MTA3: variants seen among roughly 807,000 people sequenced by gnomAD.
MTA3 encodes the protein metastasis-associated protein MTA3.
Under a neutral mutation model 83.5 loss-of-function variants are expected in MTA3, and 34 were observed. The ratio of observed to expected loss-of-function variants is 0.41; its 90% CI spans 0.31 to 0.54. MTA3 has a LOEUF of 0.54. MTA3 is among the 20% of genes least tolerant of loss of function. MTA3 has a pLI of 0.33. For missense variants in MTA3, 761 were observed against 726.4 expected, an observed-to-expected ratio of 1.05 and a Z score of -0.55; for synonymous variants, 303 against 252.7, an observed-to-expected ratio of 1.20 and a Z score of -1.89.
intron 4 of MTA3, among the ~76,000 whole-genome samples, chr2:42,638,336 A>G (rs957659257): frequency 2.0e-5 from 3 of 151,912 alleles, no homozygotes; most frequent in Non-Finnish European, 2.9e-5. Flanking sequence ...CAGCAGAGCA[A>G]TTTCCCTAGT....
At chr2:42,742,736 A>G (rs963554426) in intron 16 of MTA3, among the ~76,000 whole-genome samples, 1 of 152,222 alleles carries the variant, frequency 6.6e-6, no homozygotes, top group Non-Finnish European at 1.5e-5. Context: ...AATAGCTTCT[A>G]TTAAAGTTTT....
intron 6 of MTA3, among the ~76,000 whole-genome samples, chr2:42,648,127 C>G (rs1573465811): frequency 1.3e-5 from 2 of 152,354 alleles, no homozygotes; most frequent in African/African-American, 2.4e-5. Flanking sequence ...AGGCATGAGC[C>G]TCTGCACCCA....
At chr2:42,677,254 C>G (rs540792827) in intron 8 of MTA3, among the ~76,000 whole-genome samples, 1 of 152,076 alleles carries the variant, frequency 6.6e-6, no homozygotes, top group African/African-American at 2.4e-5. Context: ...GAGGGACCAC[C>G]GGGGGAGATA....
At chr2:42,684,293 A>C (rs1030185472) in intron 9 of MTA3, among the ~76,000 whole-genome samples, 2 of 152,236 alleles carry the variant, frequency 1.3e-5, no homozygotes, top group African/African-American at 4.8e-5. Context: ...ATTTGATGTG[A>C]GCCAATAGCC....
At chr2:42,710,201 A>C (rs1666480409) in intron 14 of MTA3, among the ~76,000 whole-genome samples, 1 of 152,236 alleles carries the variant, frequency 6.6e-6, no homozygotes, top group Admixed American at 6.5e-5. Context: ...TTTTAGCAGA[A>C]TAGTTGAAAG....
At chr2:42,507,607 A>T (rs1572894947) in intron 2 of MTA3, among the ~76,000 whole-genome samples, 7 of 151,718 alleles carry the variant, frequency 4.6e-5, no homozygotes, top group Admixed American at 4.6e-4. Flanking sequence ...TAACTGTGTG[A>T]AAAGATTATG....
intron 4 of MTA3, among the ~76,000 whole-genome samples, chr2:42,620,219 A>G (rs914151473): frequency 2.4e-4 from 37 of 151,482 alleles, no homozygotes; most frequent in Non-Finnish European, 4.6e-4. Context: ...CCCACGTTCA[A>G]GTGATTCTCC....
chr2:42,756,093 C>T lies in MTA3; in HGVS notation c.*2694C>T, dbSNP rs570387082. 2.2e-6 allele frequency: 2 copies of T among 916,840 alleles called. No homozygotes were observed. The highest frequency in any genetic ancestry group is 2.6e-6 in the Non-Finnish European group (2 of 767,430). The allele number at this position is 916,840 out of a possible 1,614,324, so 56.8% of individuals were successfully genotyped here. A position where few individuals can be genotyped will look rare whatever the true frequency, so the allele number is the denominator to read the frequency against. On this transcript the variant is annotated 3_prime_UTR_variant, in exon 17 of 17. Transcript: ENST00000405094. ...ACACAAAACAAGAAAAGCTGAGAGGCAAAACAGGGGAGTGAGGGGCAACCC... is the reference window on the plus strand; with the variant it reads ...ACACAAAACAAGAAAAGCTGAGAGGTAAAACAGGGGAGTGAGGGGCAACCC...
rs1020443860 is a variant in MTA3, at chr2:42,711,601, A to G, written c.1525+2505A>G. ...CTCTTTTTTATTTTTCAGACAAGCA[A>G]TGAACTTTTCCTAACATCTAATTGA... On this transcript the variant is annotated intron_variant, in intron 14 of 16. Coordinates refer to ENST00000405094, the MANE Select transcript of MTA3 (RefSeq NM_001330442.2). Among the ~76,000 whole-genome samples the G allele has an allele frequency of 2.6e-5, 4 of 152,300 alleles. No individual in the cohort carries two copies. The East Asian group carries it at 7.7e-4, about 29-fold the overall frequency.
chr2:42,555,045 C>T (rs1428553091), intron 2 of MTA3, among the ~76,000 whole-genome samples: 3 of 151,996 alleles, frequency 2.0e-5, no homozygotes, highest in Non-Finnish European at 4.4e-5. Flanking sequence ...CCTAGCTACT[C>T]GGTAGGCTGA....
At chr2:42,740,113 C>T (rs376144232) in intron 16 of MTA3, among the ~76,000 whole-genome samples, 49 of 152,348 alleles carry the variant, frequency 3.2e-4, no homozygotes, top group African/African-American at 1.2e-3. Context: ...TGAGTCCTCT[C>T]TAGCAGGTTT....
chr2:42,698,769 T>A (rs1693604975), intron 11 of MTA3, among the ~76,000 whole-genome samples: 1 of 152,330 alleles, frequency 6.6e-6, no homozygotes, highest in African/African-American at 2.4e-5. Context: ...GACAATGAGT[T>A]CTGATCTTTC....
chr2:42,752,867 T>A (rs1669986423), intron 16 of MTA3, among the ~76,000 whole-genome samples: 1 of 152,126 alleles, frequency 6.6e-6, no homozygotes, highest in African/African-American at 2.4e-5. Context: ...GTATCAATTA[T>A]ATATTTTATT....
Position 42,659,762 on chromosome 2 carries a change from G to A in MTA3, c.603-1G>A. The A allele has an allele frequency of 6.3e-7, 1 of 1,587,806 alleles. No individual in the cohort carries two copies. Among genetic ancestry groups the A allele is most frequent in the Non-Finnish European group, 8.6e-7 (1 of 1,167,808 alleles). ...CCTTATTGTGTTTGTGGTTTATTCAGTGCTGTTGGGACATTCGCCAGAGCC... is the reference window on the plus strand; with the variant it reads ...CCTTATTGTGTTTGTGGTTTATTCAATGCTGTTGGGACATTCGCCAGAGCC... On this transcript the variant is annotated splice_acceptor_variant, in intron 7 of 16. Coordinates refer to ENST00000405094, the MANE Select transcript of MTA3 (RefSeq NM_001330442.2). LOFTEE classifies it high-confidence loss of function.
chr2:42,715,253 A>G (rs545771317), intron 14 of MTA3, among the ~76,000 whole-genome samples: 1 of 152,232 alleles, frequency 6.6e-6, no homozygotes, highest in East Asian at 1.9e-4. Flanking sequence ...TGTGGGCCAG[A>G]CAATCCCACC....
At chr2:42,524,536 G>A (rs1572921451) in intron 2 of MTA3, among the ~76,000 whole-genome samples, 1 of 139,330 alleles carries the variant, frequency 7.2e-6, no homozygotes, top group East Asian at 2.1e-4. Context: ...ATGTTAGCCA[G>A]GATGGTCTCA....
intron 2 of MTA3, among the ~76,000 whole-genome samples, chr2:42,501,147 G>A (rs954444278): frequency 6.6e-6 from 1 of 152,090 alleles, no homozygotes; most frequent in Non-Finnish European, 1.5e-5. Flanking sequence ...AATTTGCTAC[G>A]AAGTAACCAG....
intron 3 of MTA3, among the ~76,000 whole-genome samples, chr2:42,597,730 G>T (rs1573153482): frequency 6.8e-6 from 1 of 146,344 alleles, no homozygotes; most frequent in Non-Finnish European, 1.5e-5. Context: ...GCCCAGGCTG[G>T]AGTGCAGTGG....
At chr2:42,556,960 G>T (rs1294460595) in intron 2 of MTA3, among the ~76,000 whole-genome samples, 2 of 152,206 alleles carry the variant, frequency 1.3e-5, no homozygotes, top group African/African-American at 2.4e-5. Flanking sequence ...GCAGAGGAAG[G>T]AGGCCCTACG....
Sources: gnomAD v4.1 joint callset for allele counts (sites outside exome capture counted in the v4.1 genomes callset) on GRCh38, gnomAD v4.1.1 for gene constraint, MANE v1.5 for transcripts, NCBI Gene and HGNC (gene_info 2026-07-23, HGNC 2026-07-21) for gene names.